USH2A: variants seen among roughly 807,000 people sequenced by gnomAD.
USH2A encodes Usher syndrome 2A (autosomal recessive, mild).
USH2A carries 443 observed loss-of-function variants against 538.9 expected under a neutral mutation model. That is an observed-to-expected ratio of 0.82 (90% CI 0.76 to 0.89). The LOEUF (loss-of-function observed/expected upper bound fraction) is 0.89. Among genes scored for constraint, USH2A ranks in the 40% least tolerant of loss-of-function variants. USH2A has a pLI of 0.00. For missense variants in USH2A, 6,633 were observed against 6,324.8 expected (o/e 1.05, Z -1.65); for synonymous variants, 2,413 against 2,273.5 (o/e 1.06, Z -1.75).
At chr1:216,348,963 C>T (rs980340553) in intron 4 of USH2A, among the ~76,000 whole-genome samples, 6 of 152,220 alleles carry the variant, frequency 3.9e-5, no homozygotes, top group Admixed American at 2.0e-4. Context: ...TAGCTTGGTT[C>T]TAACAATTGC....
intron 37 of USH2A, among the ~76,000 whole-genome samples, chr1:215,936,064 T>C (rs1258390188): frequency 6.6e-6 from 1 of 151,902 alleles, no homozygotes; most frequent in African/African-American, 2.4e-5. Context: ...CACCAATATT[T>C]ACTTCAAATA....
rs1242026385 is a variant in USH2A at position 215,965,922 on chromosome 1, G to GTC, written c.6958-445_6958-444dup. 4.6e-3 allele frequency among the ~76,000 whole-genome samples: 405 copies of GTC among 87,408 alleles called. 5 individuals are homozygous for GTC. The highest frequency in any genetic ancestry group is 6.1e-3 in the Non-Finnish European group (261 of 42,714). The allele number at this position is 87,408 out of a possible 152,430, so 57.3% of individuals were successfully genotyped here. On this transcript the variant is annotated intron_variant, in intron 36 of 71. Coordinates refer to ENST00000307340, the MANE Select transcript of USH2A (RefSeq NM_206933.4). ...CATATCTTGACTCTCTCTCTTCTCT[G>GTC]TCACACACACACACACACACACACA...
At chr1:216,366,179 G>A (rs2038592038) in intron 3 of USH2A, among the ~76,000 whole-genome samples, 1 of 152,156 alleles carries the variant, frequency 6.6e-6, no homozygotes, top group Non-Finnish European at 1.5e-5. Context: ...AAAGGCTCTG[G>A]AAAGGGGAGG....
chr1:215,761,024 T>C (rs1275368045), intron 56 of USH2A, among the ~76,000 whole-genome samples: 1 of 152,220 alleles, frequency 6.6e-6, no homozygotes, highest in Non-Finnish European at 1.5e-5. Context: ...CACATTTTAT[T>C]GGCTCTGGCC....
intron 44 of USH2A, among the ~76,000 whole-genome samples, chr1:215,847,675 C>T (rs566837067): frequency 6.6e-6 from 1 of 150,860 alleles, no homozygotes; most frequent in Non-Finnish European, 1.5e-5. Flanking sequence ...AAAAGTTAAA[C>T]AGCATTAGTC....
chr1:216,133,757 C>G (rs868386361), intron 21 of USH2A, among the ~76,000 whole-genome samples: 1 of 152,056 alleles, frequency 6.6e-6, no homozygotes, highest in African/African-American at 2.4e-5. Flanking sequence ...AAGGCTGTTG[C>G]TTTCCAGGCT....
At chr1:216,050,084 C>T (rs1478317759) in intron 30 of USH2A, among the ~76,000 whole-genome samples, 1 of 152,212 alleles carries the variant, frequency 6.6e-6, no homozygotes, top group East Asian at 1.9e-4. Flanking sequence ...TTAAATCTCC[C>T]AGATCATGAC....
In USH2A at chr1:215,674,364, C is replaced by T. The variant is rs774759345; in HGVS notation, c.13547G>A (p.Gly4516Glu). The T allele has an allele frequency of 7.4e-6, 12 of 1,613,884 alleles. No homozygotes were observed. The South Asian group carries it at 1.1e-4, about 15-fold the overall frequency. Residue 4516 changes from glycine to glutamate, a missense_variant, in exon 63 of 72, where the codon GGG becomes GAG. Physicochemically the swap from Gly to Glu is moderately conservative, Grantham distance 98 (BLOSUM62 -2). Transcript: ENST00000307340. The stretch of plus-strand genomic sequence containing the variant: ...TTTGACAAGAGGACTCAAAATACCC[C>T]CTTGGCTGTTGCTGGCAGTTACTGT... ...SYTVTASNSQ[G>E]GILSPLVKDR...
rs1330744151 is a variant in USH2A at position 215,634,446 on chromosome 1, T to G, written c.15297+13A>C. The G allele has an allele frequency of 6.2e-7, 1 of 1,614,168 alleles. No individual in the cohort carries two copies. The highest frequency in any genetic ancestry group is 1.1e-5 in the South Asian group (1 of 91,072). On this transcript the variant is annotated intron_variant, in intron 70 of 71. Transcript: ENST00000307340. ...AGTGATAGGGAAATGGGGCCACACC[T>G]CTACAAACATACCATATGGTTTTCC...
chr1:216,410,198 A>T (rs1188350611), intron 3 of USH2A, among the ~76,000 whole-genome samples: 1 of 152,090 alleles, frequency 6.6e-6, no homozygotes, highest in Non-Finnish European at 1.5e-5. Flanking sequence ...GTCAAGAAAC[A>T]ACAGTGCTAG....
chr1:215,896,028 A>C (rs1033197474), intron 40 of USH2A, among the ~76,000 whole-genome samples: 12 of 152,360 alleles, frequency 7.9e-5, no homozygotes, highest in Admixed American at 7.8e-4. Flanking sequence ...GTCCACCGTC[A>C]TATATGTGGT....
At chr1:215,759,110 A>C (rs1660899853) in intron 57 of USH2A, among the ~76,000 whole-genome samples, 1 of 152,202 alleles carries the variant, frequency 6.6e-6, no homozygotes, top group Non-Finnish European at 1.5e-5. Flanking sequence ...AGATGTTTTT[A>C]AATTGATCTG....
At chr1:215,797,437 T>C (rs530010896) in intron 50 of USH2A, among the ~76,000 whole-genome samples, 1 of 152,216 alleles carries the variant, frequency 6.6e-6, no homozygotes, top group Admixed American at 6.5e-5. Context: ...CAACTAGAGC[T>C]TTCATAGGTA....
chr1:216,275,306 C>T (rs2036652135), intron 11 of USH2A, among the ~76,000 whole-genome samples: 1 of 151,990 alleles, frequency 6.6e-6, no homozygotes, highest in African/African-American at 2.4e-5. Flanking sequence ...TAATTTGCTG[C>T]AAAATTAATA....
Position 215,684,656 on chromosome 1 carries a change from A to G in USH2A, c.12067-4280T>C, listed in dbSNP as rs1658349677. Among the ~76,000 whole-genome samples, 2 of 152,172 alleles carry G rather than the reference A, an allele frequency of 1.3e-5. 1 individual carries two copies. Among genetic ancestry groups the G allele is most frequent in the South Asian group, 4.1e-4 (2 of 4,826 alleles). ...CTCTTGTGTTCATCAACAGAGTATT[A>G]CGTGTCCATATTATATTTTGGAAAG... On this transcript the variant is annotated intron_variant, in intron 61 of 71. Coordinates refer to ENST00000307340, the MANE Select transcript of USH2A (RefSeq NM_206933.4).
chr1:216,320,698 A>T (rs190249041), intron 9 of USH2A, among the ~76,000 whole-genome samples: 92 of 152,236 alleles, frequency 6.0e-4, no homozygotes, highest in East Asian at 3.1e-3. Context: ...GTAATCTTTT[A>T]TATGTTTATT....
rs397517986 is a variant in USH2A, at chr1:215,674,207, G to C, written c.13704C>G (p.Phe4568Leu). ...TTTCTCTTTCAAATAGTTCACGGAT[G>C]AAGAGGGTATAATTGATGATATCAC... is the stretch of plus-strand genomic sequence containing the variant. Reference protein sequence around the residue: ...TNGDIINYTLFIRELFERETK... With the variant: ...TNGDIINYTLLIRELFERETK... Residue 4568 changes from phenylalanine (F) to leucine (L), a missense_variant, in exon 63 of 72, where the codon TTC (phenylalanine) becomes TTG (leucine). Phe to Leu is a conservative substitution (Grantham distance 22). Coordinates refer to ENST00000307340, the MANE Select transcript of USH2A (RefSeq NM_206933.4). The C allele has an allele frequency of 6.2e-7, 1 of 1,614,016 alleles. No homozygotes were observed. Among genetic ancestry groups the C allele is most frequent in the Non-Finnish European group, 8.5e-7 (1 of 1,180,032 alleles).
rs369798686 is a variant in USH2A at position 216,187,072 on chromosome 1, G to A, written c.4396+3151C>T. 2.6e-5 allele frequency among the ~76,000 whole-genome samples: 4 copies of A among 152,002 alleles called. No individual in the cohort carries two copies. In the East Asian group the frequency reaches 7.8e-4, roughly 29 times the overall value. On this transcript the variant is annotated intron_variant, in intron 20 of 71. Coordinates refer to ENST00000307340, the MANE Select transcript of USH2A (RefSeq NM_206933.4). ...GTGCCAGCCCCTAAAACAGAAACTA[G>A]CACATTGTATGTGCTCAGTAAATAT... is the stretch of plus-strand genomic sequence containing the variant.
chr1:216,056,440 T>G (rs1345391795), intron 30 of USH2A, among the ~76,000 whole-genome samples: 1 of 152,180 alleles, frequency 6.6e-6, no homozygotes, highest in Non-Finnish European at 1.5e-5. Flanking sequence ...GTGTACTGTA[T>G]GGTGCTCAAG....
Sources: gnomAD v4.1 joint callset for allele counts (sites outside exome capture counted in the v4.1 genomes callset) on GRCh38, gnomAD v4.1.1 for gene constraint, MANE v1.5 for transcripts, NCBI Gene and HGNC (gene_info 2026-07-23, HGNC 2026-07-21) for gene names.